CD300LG: variants seen among roughly 807,000 people sequenced by gnomAD.
The protein encoded by CD300LG is CD300 molecule like family member g.
CD300LG carries 29 observed loss-of-function variants against 31.5 expected under a neutral mutation model. The ratio of observed to expected loss-of-function variants is 0.92; its 90% CI spans 0.68 to 1.25. The LOEUF is 1.25. CD300LG is among the 50% of genes most tolerant of loss of function. The pLI, the probability that CD300LG is intolerant of heterozygous loss-of-function variation, is 0.00. For missense variants in CD300LG, 396 were observed against 417.6 expected (o/e 0.95, Z 0.45); for synonymous variants, 175 against 177.2 (o/e 0.99, Z 0.10).
chr17:43,850,338 G>A (rs747215096), intron 2 of CD300LG, among the ~76,000 whole-genome samples: 23 of 152,184 alleles, frequency 1.5e-4, no homozygotes, highest in African/African-American at 2.2e-4. Flanking sequence ...GAGTCAGTGC[G>A]AGCCATCTCC....
chr17:43,856,098 C>T (rs112628145), intron 5 of CD300LG, among the ~76,000 whole-genome samples: 29 of 152,258 alleles, frequency 1.9e-4, no homozygotes, highest in South Asian at 8.3e-4. Context: ...TGAGCCACTA[C>T]GCCCAATCTA....
At position 43,853,872 on chromosome 17, in the gene CD300LG, C is replaced by G. The variant is rs778570647; in HGVS notation, c.547C>G (p.Pro183Ala). 1.9e-6 allele frequency: 3 copies of G among 1,614,162 alleles called. No individual in the cohort carries two copies. The highest frequency in any genetic ancestry group is 2.5e-6 in the Non-Finnish European group (3 of 1,180,016). Residue 183 changes from proline to alanine, a missense_variant, in exon 4 of 7, where the codon CCA becomes GCA. Pro to Ala is a conservative substitution (Grantham distance 27). Transcript: ENST00000317310. ...KQGKTGAEAP[P>A]LPGTSQYGHE... ...GGGGAAGACAGGGGCTGAGGCCCCT[C>G]CATTGCCAGGGACTTCCCAGTACGG...
At chr17:43,859,526 G>A (rs1393573906) in intron 6 of CD300LG, among the ~76,000 whole-genome samples, 1 of 152,182 alleles carries the variant, frequency 6.6e-6, no homozygotes, top group African/African-American at 2.4e-5. Context: ...TCTGCACTGC[G>A]AGGCTCTTTC....
chr17:43,854,169 G>T (rs12450775), intron 4 of CD300LG, 125 bp downstream of exon 4: 10,752 of 718,222 alleles, frequency 0.015, 482 homozygotes, highest in African/African-American at 0.12. Flanking sequence ...GCCACAGCCT[G>T]CAGCACAGAG....
rs371319718 is a variant in CD300LG, at chr17:43,857,162, G to A, written c.885+6G>A. On this transcript the variant is annotated splice_donor_region_variant and intron_variant, in intron 6 of 6. Transcript: ENST00000317310. ...AGTTCTGCCTCTCACGCTTGGTAAG[G>A]ACAGAGGCATATGGAAGCCCAAGCT... 83 of 1,614,024 alleles carry A rather than the reference G, an allele frequency of 5.1e-5. No homozygotes were observed. In the African/African-American group the frequency reaches 9.9e-4, roughly 19 times the overall value.
rs1337444540 is a variant in CD300LG at position 43,857,118 on chromosome 17, G to T, written c.847G>T (p.Glu283Ter). 2 of 1,614,058 alleles carry T rather than the reference G, an allele frequency of 1.2e-6. No homozygotes were observed. The highest frequency in any genetic ancestry group is 1.7e-6 in the Non-Finnish European group (2 of 1,180,032). Reference protein sequence around the residue: ...LWRKEAQQATETQRNEKFCLS... With the variant: ...LWRKEAQQAT ...ATCTCTTTCAGCTCAACAGGCCACGGAGACACAGAGGAACGAGAAGTTCTG... is the reference window on the plus strand; with the variant it reads ...ATCTCTTTCAGCTCAACAGGCCACGTAGACACAGAGGAACGAGAAGTTCTG... The change falls in exon 6 of 7, where the codon GAG (glutamate) becomes TAG (stop). Residue 283 changes from glutamate to a stop codon, truncating the protein, a stop_gained. Coordinates refer to ENST00000317310, the MANE Select transcript of CD300LG (RefSeq NM_145273.4). LOFTEE classifies it low-confidence loss of function (END_TRUNC).
chr17:43,858,875 T>A (rs1278300969), intron 6 of CD300LG, among the ~76,000 whole-genome samples: 2 of 152,144 alleles, frequency 1.3e-5, no homozygotes, highest in Non-Finnish European at 2.9e-5. Context: ...CCCTAAGAGA[T>A]CTTGCTAGAA....
chr17:43,858,299 G>A, intron 6 of CD300LG: 1 of 1,008,428 alleles, frequency 9.9e-7, no homozygotes, highest in Non-Finnish European at 1.2e-6. Flanking sequence ...ACACACGGAT[G>A]GATGGACGGT....
intron 1 of CD300LG, 77 bp from the exon 2 acceptor site, chr17:43,848,481 C>T: frequency 8.3e-7 from 1 of 1,210,750 alleles, no homozygotes; most frequent in Non-Finnish European, 1.2e-6. Context: ...CTTCTTCCTC[C>T]TAAAATGGAA....
chr17:43,860,827 A>G (rs552407357), intron 6 of CD300LG, among the ~76,000 whole-genome samples: 2 of 152,378 alleles, frequency 1.3e-5, no homozygotes, highest in East Asian at 1.9e-4. Flanking sequence ...AAGTCATTCC[A>G]GAATTTCTCA....
intron 6 of CD300LG, among the ~76,000 whole-genome samples, chr17:43,859,475 C>T (rs80053172): frequency 0.14 from 20,538 of 152,094 alleles, 1,523 homozygotes; most frequent in Non-Finnish European, 0.16. Context: ...ACCAGACTTG[C>T]GATAGTGGGC....
chr17:43,848,520 C>T (rs780511203), intron 1 of CD300LG, 38 bp from the exon 2 acceptor site: 6 of 1,535,878 alleles, frequency 3.9e-6, no homozygotes, highest in Non-Finnish European at 1.8e-6. Context: ...GTACATGGAG[C>T]CTGGTTTTTC....
chr17:43,863,564 C>G lies in CD300LG; in HGVS notation c.*1653C>G, dbSNP rs1473398567. On this transcript the variant is annotated 3_prime_UTR_variant, in exon 7 of 7. Transcript: ENST00000317310. The stretch of plus-strand genomic sequence containing the variant: ...CCTTTTCCACCTTATCGTTCCATCA[C>G]TTTATTCCAGCACTTCTCTGTGTTT... 1 of 152,136 alleles carries G rather than the reference C, an allele frequency of 6.6e-6. No homozygotes were observed. The highest frequency in any genetic ancestry group is 1.5e-5 in the Non-Finnish European group (1 of 68,028). 9.4% of individuals were successfully genotyped at this position (152,136 alleles called of 1,614,324 possible).
chr17:43,847,375 C>CCCCT, intron 1 of CD300LG, 116 bp downstream of exon 1: 1 of 832,992 alleles, frequency 1.2e-6, no homozygotes, highest in Non-Finnish European at 1.7e-6. Flanking sequence ...CTCCTCAGCC[C>CCCCT]TAGGGGAGCG....
chr17:43,847,313 C>A (rs1482932938), intron 1 of CD300LG, 54 bp downstream of exon 1: 1 of 1,593,558 alleles, frequency 6.3e-7, no homozygotes, highest in Non-Finnish European at 8.6e-7. Flanking sequence ...TTGTGGTCTG[C>A]AGGGAAAGGA....
intron 1 of CD300LG, among the ~76,000 whole-genome samples, chr17:43,847,772 T>C (rs1040451228): frequency 6.6e-6 from 1 of 151,994 alleles, no homozygotes; most frequent in African/African-American, 2.4e-5. Flanking sequence ...ACCCCATCTC[T>C]ACAAACAAAC....
At chr17:43,857,546 C>A in intron 6 of CD300LG, 1 of 1,418,516 alleles carries the variant, frequency 7.0e-7, no homozygotes, top group Non-Finnish European at 9.6e-7. Flanking sequence ...AGCAAATCGC[C>A]TTTCAGAACG....
chr17:43,857,456 C>A (rs565652128), intron 6 of CD300LG: 14 of 1,537,048 alleles, frequency 9.1e-6, no homozygotes, highest in Non-Finnish European at 1.1e-5. Context: ...TTCCATCCCC[C>A]CTTTTAGAAT....
At chr17:43,858,279 A>G (rs762439828) in intron 6 of CD300LG, 11 of 1,028,198 alleles carry the variant, frequency 1.1e-5, no homozygotes, top group African/African-American at 1.7e-5. Context: ...GTAAGGGAAA[A>G]GTCATGGAGA....
Sources: allele counts gnomAD v4.1 joint callset (sites outside exome capture counted in the v4.1 genomes callset), GRCh38; gene constraint gnomAD v4.1.1; transcripts MANE v1.5; gene names NCBI Gene and HGNC (gene_info 2026-07-23, HGNC 2026-07-21).